TTC6: variants seen among roughly 807,000 people sequenced by gnomAD.
The protein encoded by TTC6 is tetratricopeptide repeat protein 6.
In TTC6, 172 loss-of-function variants were observed where a neutral mutation model predicts 210.4. The observed-to-expected ratio is 0.82, with a 90% CI of 0.72 to 0.93. TTC6 has a LOEUF of 0.93. Ranked by LOEUF, TTC6 falls within the 40% of genes least tolerant of loss-of-function variation. The pLI, the probability that TTC6 is intolerant of heterozygous loss-of-function variation, is 0.00. For missense variants in TTC6, 2,414 were observed against 2,318.1 expected (o/e 1.04, Z -0.85); for synonymous variants, 804 against 819.6 (o/e 0.98, Z 0.32).
intron 5 of TTC6, among the ~76,000 whole-genome samples, chr14:37,702,092 T>C (rs1324171614): frequency 6.6e-6 from 1 of 152,180 alleles, no homozygotes; most frequent in Non-Finnish European, 1.5e-5. Context: ...ACCTAATGTT[T>C]ATGCAGCAGT....
intron 1 of TTC6, among the ~76,000 whole-genome samples, chr14:37,665,488 G>C (rs919188030): frequency 2.0e-5 from 3 of 150,178 alleles, no homozygotes; most frequent in African/African-American, 7.3e-5. Context: ...ACACACACTG[G>C]AGCCAGTCAG....
At chr14:37,792,776 T>TTG (rs34766491) in intron 17 of TTC6, among the ~76,000 whole-genome samples, 24,153 of 139,894 alleles carry the variant, frequency 0.17, 2,308 homozygotes, top group Admixed American at 0.27. Context: ...TGGTCCAATG[T>TTG]TGTGTGTGTG....
intron 14 of TTC6, among the ~76,000 whole-genome samples, chr14:37,769,375 T>A (rs954018035): frequency 6.6e-6 from 1 of 151,832 alleles, no homozygotes; most frequent in Admixed American, 6.6e-5. Context: ...TCAGAAGGAA[T>A]GGTACCAGTT....
chr14:37,650,754 A>AT (rs1259666415), intron 1 of TTC6, among the ~76,000 whole-genome samples: 1 of 152,188 alleles, frequency 6.6e-6, no homozygotes, highest in Admixed American at 6.5e-5. Context: ...GTAAAAATAT[A>AT]TTTTTGCATT....
chr14:37,828,094 G>A (rs2096176518), intron 29 of TTC6, among the ~76,000 whole-genome samples: 1 of 151,930 alleles, frequency 6.6e-6, no homozygotes, highest in African/African-American at 2.4e-5. Flanking sequence ...CACTGGACTG[G>A]GAATAAGAAG....
chr14:37,800,975 C>CCTA (rs1373541329), intron 20 of TTC6, among the ~76,000 whole-genome samples: 1 of 152,162 alleles, frequency 6.6e-6, no homozygotes, highest in Non-Finnish European at 1.5e-5. Context: ...AGACTAGGAA[C>CCTA]CCACAGGATG....
intron 6 of TTC6, among the ~76,000 whole-genome samples, 167 bp downstream of exon 8, chr14:37,714,963 A>C (rs2138762935): frequency 6.6e-6 from 1 of 152,252 alleles, no homozygotes; most frequent in African/African-American, 2.4e-5. Context: ...GGATTGCTTG[A>C]GCCCAGGAAT....
chr14:37,735,356 A>G (rs1359804525), intron 7 of TTC6, among the ~76,000 whole-genome samples: 4 of 152,160 alleles, frequency 2.6e-5, no homozygotes, highest in Non-Finnish European at 5.9e-5. Flanking sequence ...AGGTTTCTGC[A>G]TGTCCAAACC....
chr14:37,630,664 A>C (rs1448572071), intron 1 of TTC6, among the ~76,000 whole-genome samples: 4 of 152,044 alleles, frequency 2.6e-5, no homozygotes, highest in Non-Finnish European at 5.9e-5. Context: ...TGATGTGTCT[A>C]ATATTGACAG....
intron 1 of TTC6, among the ~76,000 whole-genome samples, chr14:37,650,161 G>GC (rs1478990691): frequency 6.6e-6 from 1 of 152,186 alleles, no homozygotes; most frequent in Non-Finnish European, 1.5e-5. Context: ...GCACAGGTGT[G>GC]CCCCGGCAGA....
At chr14:37,752,772 G>A (rs747426659) in intron 13 of TTC6, among the ~76,000 whole-genome samples, 1 of 152,020 alleles carries the variant, frequency 6.6e-6, no homozygotes, top group African/African-American at 2.4e-5. Context: ...AGGATAAAAT[G>A]CTGAGATAGA....
At chr14:37,776,323 A>G (rs1023662054) in intron 14 of TTC6, among the ~76,000 whole-genome samples, 1 of 152,044 alleles carries the variant, frequency 6.6e-6, no homozygotes, top group Non-Finnish European at 1.5e-5. Flanking sequence ...ATTCAAGGTT[A>G]GTGTTGATGT....
At chr14:37,737,558 T>A (rs1005115950) in intron 8 of TTC6, 102 bp from the exon 11 acceptor site, 10 of 554,560 alleles carry the variant, frequency 1.8e-5, no homozygotes, top group Admixed American at 3.9e-5. Context: ...ATTTCTGAAT[T>A]TCATTAATTT....
upstream of TTC6, among the ~76,000 whole-genome samples, chr14:37,619,392 A>G (rs2095647772): frequency 1.3e-5 from 2 of 152,232 alleles, no homozygotes; most frequent in Non-Finnish European, 2.9e-5. Context: ...ATGAATAATT[A>G]CAATTATAAA....
intron 1 of TTC6, among the ~76,000 whole-genome samples, chr14:37,669,764 T>C (rs1234091013): frequency 6.6e-6 from 1 of 152,198 alleles, no homozygotes; most frequent in Non-Finnish European, 1.5e-5. Flanking sequence ...TCACCTCATA[T>C]AATTCCTTGG....
intron 14 of TTC6, among the ~76,000 whole-genome samples, chr14:37,785,348 T>G (rs1443122533): frequency 6.6e-6 from 1 of 152,112 alleles, no homozygotes; most frequent in Non-Finnish European, 1.5e-5. Flanking sequence ...TCTAAACTTT[T>G]CACTTCATTT....
At chr14:37,831,577 G>T (rs528021947) in intron 29 of TTC6, among the ~76,000 whole-genome samples, 8 of 149,090 alleles carry the variant, frequency 5.4e-5, no homozygotes, top group Non-Finnish European at 1.2e-4. Context: ...CTTGCCAGAC[G>T]TTTTTTTTGT....
chr14:37,694,459 C>G (rs1369512599), intron 3 of TTC6, among the ~76,000 whole-genome samples: 2 of 152,102 alleles, frequency 1.3e-5, no homozygotes, highest in East Asian at 3.9e-4. Flanking sequence ...AAAGGGAAGC[C>G]TCATACATTG....
chr14:37,711,936 A>C (rs2095845381), intron 5 of TTC6, among the ~76,000 whole-genome samples: 2 of 152,132 alleles, frequency 1.3e-5, no homozygotes, highest in African/African-American at 4.8e-5. Context: ...TTTCAGTCTG[A>C]ACCACTGAGA....
Sources: allele counts gnomAD v4.1 joint callset (sites outside exome capture counted in the v4.1 genomes callset), GRCh38; gene constraint gnomAD v4.1.1; transcripts MANE v1.5; gene names NCBI Gene and HGNC (gene_info 2026-07-23, HGNC 2026-07-21).